The following GUCY1A2 variants were observed in gnomAD, a reference collection of about 807,000 sequenced individuals.
The protein encoded by GUCY1A2 is guanylate cyclase 1 soluble subunit alpha 2, also known as guanylate cyclase soluble subunit alpha-2.
Under a neutral mutation model 63.5 loss-of-function variants are expected in GUCY1A2, and 27 were observed. The ratio of observed to expected loss-of-function variants is 0.43; its 90% confidence interval spans 0.31 to 0.59. The LOEUF (loss-of-function observed/expected upper bound fraction) is 0.59, where lower values mean the gene tolerates loss of function less well. GUCY1A2 is among the 20% of genes least tolerant of loss of function. The pLI is 0.11. For synonymous variants in GUCY1A2, 364 were observed against 343.5 expected (o/e 1.06, Z -0.66); for missense variants, 768 against 913.3 (o/e 0.84, Z 2.05).
chr11:106,768,430 T>C (rs1244038527), intron 6 of GUCY1A2, among the ~76,000 whole-genome samples: 1 of 152,158 alleles, frequency 6.6e-6, no homozygotes, highest in Non-Finnish European at 1.5e-5. Flanking sequence ...ACTAAAGCCA[T>C]GAAAAGTCTA....
At chr11:106,944,308 T>G (rs1351029887) in intron 3 of GUCY1A2, among the ~76,000 whole-genome samples, 1 of 83,966 alleles carries the variant, frequency 1.2e-5, no homozygotes, top group Non-Finnish European at 2.8e-5. Flanking sequence ...GAGCCAGGCA[T>G]AGTGGTGCAG....
intron 6 of GUCY1A2, among the ~76,000 whole-genome samples, chr11:106,744,829 G>A (rs778775886): frequency 6.6e-6 from 1 of 152,018 alleles, no homozygotes; most frequent in African/African-American, 2.4e-5. Flanking sequence ...ATATTTTGGT[G>A]GGTACTCATG....
In GUCY1A2 at chr11:106,687,446, C is replaced by T. The variant is rs145094248; in HGVS notation, c.*103G>A. ...TAATACAGAAATTTTGCTGCTTGTTCTCAACAAAGCAATGAAAGAGACACA... is the reference window on the plus strand; with the variant it reads ...TAATACAGAAATTTTGCTGCTTGTTTTCAACAAAGCAATGAAAGAGACACA... On this transcript the variant is annotated 3_prime_UTR_variant, in exon 8 of 8. Coordinates refer to ENST00000526355, the MANE Select transcript of GUCY1A2 (RefSeq NM_000855.3). 1.4e-5 allele frequency: 12 copies of T among 865,988 alleles called. No homozygotes were observed. In the African/African-American group the frequency reaches 2.0e-4, roughly 15 times the overall value. The allele number at this position is 865,988 out of a possible 1,614,324, so 53.6% of individuals were successfully genotyped here.
chr11:106,881,497 T>A (rs576037940), intron 4 of GUCY1A2, among the ~76,000 whole-genome samples: 1 of 152,196 alleles, frequency 6.6e-6, no homozygotes, highest in Non-Finnish European at 1.5e-5. Flanking sequence ...TGGTGTAGTA[T>A]CCTCATTAAA....
intron 4 of GUCY1A2, among the ~76,000 whole-genome samples, chr11:106,896,268 A>G (rs1860048210): frequency 1.3e-5 from 2 of 152,002 alleles, no homozygotes; most frequent in Admixed American, 1.3e-4. Flanking sequence ...ACAAAATCCA[A>G]CGTCAATTAA....
intron 1 of GUCY1A2, among the ~76,000 whole-genome samples, chr11:106,993,754 A>C (rs556978386): frequency 6.6e-6 from 1 of 152,346 alleles, no homozygotes; most frequent in Admixed American, 6.5e-5. Context: ...ACAGCACTGC[A>C]AAGTTTAAGC....
At chr11:106,935,177 G>A (rs1860658809) in intron 4 of GUCY1A2, among the ~76,000 whole-genome samples, 1 of 152,142 alleles carries the variant, frequency 6.6e-6, no homozygotes. Context: ...GATGTTAGGT[G>A]AGCTCAATAT....
rs1256942370 is a variant in GUCY1A2, at chr11:106,935,963, GTTCA to G, written c.1206+3493_1206+3496del. Among the ~76,000 whole-genome samples, 4 of 151,956 alleles carry G rather than the reference GTTCA, an allele frequency of 2.6e-5. No homozygotes were observed. In the East Asian group the frequency reaches 7.7e-4, roughly 29 times the overall value. ...GGAGTAAAAATATTAGTTTGTCTAG[GTTCA>G]TTAATTTCCAATGTATAAAACTGAG... On this transcript the variant is annotated intron_variant, in intron 4 of 7. Coordinates refer to ENST00000526355, the MANE Select transcript of GUCY1A2 (RefSeq NM_000855.3).
chr11:106,776,029 A>G (rs111576082), intron 6 of GUCY1A2, among the ~76,000 whole-genome samples: 1,945 of 152,286 alleles, frequency 0.013, 26 homozygotes, highest in South Asian at 0.049. Flanking sequence ...GATGTTTCAC[A>G]AGGAATACCT....
intron 6 of GUCY1A2, among the ~76,000 whole-genome samples, chr11:106,764,639 C>T (rs750280749): frequency 1.7e-4 from 26 of 151,908 alleles, no homozygotes; most frequent in Non-Finnish European, 3.8e-4. Flanking sequence ...TGTGTATATG[C>T]ATATATATTA....
intron 7 of GUCY1A2, among the ~76,000 whole-genome samples, chr11:106,695,287 T>A (rs12287763): frequency 0.02 from 2,985 of 152,242 alleles, 87 homozygotes; most frequent in African/African-American, 0.068. Context: ...CATTTTGTTG[T>A]CGTTTCAAAA....
At chr11:106,951,264 G>T (rs1236755498) in intron 3 of GUCY1A2, among the ~76,000 whole-genome samples, 2 of 152,088 alleles carry the variant, frequency 1.3e-5, no homozygotes, top group African/African-American at 4.8e-5. Context: ...CCCAGTAATG[G>T]GGTTGCTGGG....
At chr11:106,868,827 G>A (rs949429376) in intron 4 of GUCY1A2, among the ~76,000 whole-genome samples, 1 of 152,146 alleles carries the variant, frequency 6.6e-6, no homozygotes, top group African/African-American at 2.4e-5. Context: ...GAACAAAGCT[G>A]GAGGCATCAC....
chr11:106,758,904 G>C (rs990902153), intron 6 of GUCY1A2, among the ~76,000 whole-genome samples: 5 of 152,150 alleles, frequency 3.3e-5, no homozygotes, highest in Non-Finnish European at 5.9e-5. Flanking sequence ...GAAGATATTT[G>C]AAGAAAGAAT....
chr11:106,994,824 C>T (rs1355254338), intron 1 of GUCY1A2, among the ~76,000 whole-genome samples: 2 of 152,102 alleles, frequency 1.3e-5, no homozygotes, highest in African/African-American at 4.8e-5. Context: ...TTCCTTATTT[C>T]CTTTTGTCTT....
At chr11:106,751,279 T>C (rs1460067511) in intron 6 of GUCY1A2, among the ~76,000 whole-genome samples, 1 of 152,132 alleles carries the variant, frequency 6.6e-6, no homozygotes, top group Non-Finnish European at 1.5e-5. Context: ...AATGTACACA[T>C]ATGAGAAGGA....
Position 106,687,376 on chromosome 11 carries a change from T to C in GUCY1A2, c.*173A>G. ...ATTTCCCTCATCCTCCGGCTTTTTA[T>C]TGACAGCGGTCACCTCCACCTTTTA... On this transcript the variant is annotated 3_prime_UTR_variant, in exon 8 of 8. Coordinates refer to ENST00000526355, the MANE Select transcript of GUCY1A2 (RefSeq NM_000855.3). 1 of 609,714 alleles carries C rather than the reference T, an allele frequency of 1.6e-6. No individual in the cohort carries two copies. The highest frequency in any genetic ancestry group is 2.0e-5 in the South Asian group (1 of 50,026). The allele number at this position is 609,714 out of a possible 1,614,324, so 37.8% of individuals were successfully genotyped here. A position where few individuals can be genotyped will look rare whatever the true frequency, so the allele number is the denominator to read the frequency against.
intron 3 of GUCY1A2, among the ~76,000 whole-genome samples, chr11:106,955,266 C>T (rs1860967879): frequency 6.6e-6 from 1 of 152,164 alleles, no homozygotes; most frequent in Non-Finnish European, 1.5e-5. Context: ...GCCACCATGC[C>T]CGGCCCAGTC....
intron 3 of GUCY1A2, among the ~76,000 whole-genome samples, chr11:106,944,127 A>G (rs1472383731): frequency 6.8e-6 from 1 of 147,806 alleles, no homozygotes; most frequent in Non-Finnish European, 1.5e-5. Flanking sequence ...AGGTGGGAGA[A>G]TCACTGGAGC....
Sources: gnomAD v4.1 joint callset for allele counts (sites outside exome capture counted in the v4.1 genomes callset) on GRCh38, gnomAD v4.1.1 for gene constraint, MANE v1.5 for transcripts, NCBI Gene and HGNC (gene_info 2026-07-23, HGNC 2026-07-21) for gene names.